KCNG2: variants seen among roughly 807,000 people sequenced by gnomAD.
KCNG2 encodes voltage-gated potassium channel regulatory subunit KCNG2.
In KCNG2, 7 loss-of-function variants were observed where a neutral mutation model predicts 12.3. The observed-to-expected ratio is 0.57, with a 90% CI of 0.32 to 1.07. The LOEUF is 1.07. Among genes scored for constraint, KCNG2 ranks in the 50% least tolerant of loss-of-function variants. The probability of loss-of-function intolerance (pLI) is 0.04; values close to 1 mark genes in which losing one functional copy is unlikely to be tolerated. For synonymous variants in KCNG2, 414 were observed against 351.4 expected (o/e 1.18, Z -1.99); for missense variants, 703 against 726.0 (o/e 0.97, Z 0.36).
At chr18:79,866,009 G>T (rs1266046481) in intron 3 of KCNG2, among the ~76,000 whole-genome samples, 1 of 135,016 alleles carries the variant, frequency 7.4e-6, no homozygotes, top group Non-Finnish European at 1.5e-5. Flanking sequence ...TGGGTGCTGA[G>T]AGGTCTGGGT....
intron 1 of KCNG2, among the ~76,000 whole-genome samples, chr18:79,839,742 T>C (rs961255768): frequency 6.6e-6 from 1 of 152,188 alleles, no homozygotes; most frequent in Non-Finnish European, 1.5e-5. Context: ...TATTAAATAT[T>C]AGCAAATAGA....
intron 1 of KCNG2, among the ~76,000 whole-genome samples, chr18:79,807,842 GCCGCGCTGACC>G (rs1174704949): frequency 2.3e-5 from 3 of 129,936 alleles, no homozygotes; most frequent in Non-Finnish European, 4.9e-5. Context: ...AGCTGCCGGG[GCCGCGCTGACC>G]ACACTCCACG....
intron 1 of KCNG2, among the ~76,000 whole-genome samples, chr18:79,811,974 G>A (rs942083620): frequency 6.6e-6 from 1 of 152,124 alleles, no homozygotes; most frequent in Non-Finnish European, 1.5e-5. Flanking sequence ...GGAGTTGTGT[G>A]ACGATAACAA....
chr18:79,869,743 G>GC (rs1979755791), intron 3 of KCNG2, among the ~76,000 whole-genome samples: 1 of 152,108 alleles, frequency 6.6e-6, no homozygotes, highest in Non-Finnish European at 1.5e-5. Flanking sequence ...AACATCTGTG[G>GC]CCCCCAAAGT....
rs1980436277 is a variant in KCNG2 at position 79,884,307 on chromosome 18, A to G, written c.625-14733A>G. 6.7e-6 allele frequency among the ~76,000 whole-genome samples: 1 copy of G among 149,786 alleles called. No individual in the cohort carries two copies. On this transcript the variant is annotated intron_variant, in intron 3 of 3. Coordinates refer to ENST00000316249, the MANE Select transcript of KCNG2 (RefSeq NM_012283.2). This position sits in a 1 kb window ranked among gnomAD's most constrained non-coding sequence, Gnocchi z 5.5. The stretch of plus-strand genomic sequence containing the variant: ...ACCCCCAAGAGAATTCGCCCCATCT[A>G]GGTCCCACCTAATGACACACACTCC...
chr18:79,844,342 G>A (rs1382921096), intron 1 of KCNG2, among the ~76,000 whole-genome samples: 1 of 152,106 alleles, frequency 6.6e-6, no homozygotes, highest in Non-Finnish European at 1.5e-5. Flanking sequence ...CTCGTATGTG[G>A]AATCTAAGAA....
intron 3 of KCNG2, among the ~76,000 whole-genome samples, chr18:79,879,473 G>GA (rs1488387312): frequency 4.0e-5 from 6 of 148,456 alleles, no homozygotes; most frequent in African/African-American, 1.5e-4. Flanking sequence ...CTGTGTCCAT[G>GA]AAACAAGAAC....
intron 1 of KCNG2, among the ~76,000 whole-genome samples, chr18:79,855,413 G>A (rs1978974925): frequency 6.6e-6 from 1 of 152,126 alleles, no homozygotes; most frequent in Admixed American, 6.5e-5. Flanking sequence ...GACCTTGCGG[G>A]CTGCCCTGGG....
At chr18:79,882,964 C>T (rs951483293) in intron 3 of KCNG2, among the ~76,000 whole-genome samples, 1 of 152,242 alleles carries the variant, frequency 6.6e-6, no homozygotes, top group Admixed American at 6.5e-5. Flanking sequence ...ACGCCCAGGA[C>T]GTACTCGCGG....
At chr18:79,899,008 C>T (rs1032288389) in intron 3 of KCNG2, 32 bp from the exon 4 acceptor site, 6 of 1,458,840 alleles carry the variant, frequency 4.1e-6, no homozygotes, top group Admixed American at 2.3e-5. Context: ...AAGAGGCCTG[C>T]GCCCCCAACC....
At chr18:79,809,570 G>T (rs1175563061) in intron 1 of KCNG2, among the ~76,000 whole-genome samples, 1 of 118,924 alleles carries the variant, frequency 8.4e-6, no homozygotes, top group Admixed American at 8.3e-5. Context: ...CGCGCTCTGA[G>T]GAGCTGCCGG....
At chr18:79,882,029 T>TA (rs200594894) in intron 3 of KCNG2, among the ~76,000 whole-genome samples, 1,542 of 151,156 alleles carry the variant, frequency 0.01, 6 homozygotes, top group Non-Finnish European at 0.016. Context: ...ACCCATGCCT[T>TA]ACGTTTTATA....
intron 1 of KCNG2, among the ~76,000 whole-genome samples, chr18:79,851,699 ATGTATG>A (rs1246363930): frequency 6.4e-5 from 8 of 125,286 alleles, no homozygotes; most frequent in African/African-American, 2.8e-4. Context: ...GCCTGTGTGA[ATGTATG>A]TGTGTGTGAA....
intron 2 of KCNG2, among the ~76,000 whole-genome samples, chr18:79,859,448 A>AC (rs1979136092): frequency 6.6e-6 from 1 of 152,194 alleles, no homozygotes; most frequent in Admixed American, 6.5e-5. Flanking sequence ...GTGTGCAGAG[A>AC]CCACACGGAG....
intron 1 of KCNG2, among the ~76,000 whole-genome samples, chr18:79,798,676 A>G (rs888394803): frequency 6.6e-6 from 1 of 152,198 alleles, no homozygotes; most frequent in Non-Finnish European, 1.5e-5. Context: ...GAATTCTGCA[A>G]ACCCGGAGCC....
rs2087404711 is a variant in KCNG2 at position 79,800,904 on chromosome 18, C to T, written c.-115+2890C>T. Among the ~76,000 whole-genome samples the T allele has an allele frequency of 6.6e-6, 1 of 152,248 alleles. No homozygotes were observed. Among genetic ancestry groups the T allele is most frequent in the Non-Finnish European group, 1.5e-5 (1 of 68,048 alleles). On this transcript the variant is annotated intron_variant, in intron 1 of 3. Coordinates refer to ENST00000316249, the MANE Select transcript of KCNG2 (RefSeq NM_012283.2). The surrounding 1 kb of genome is among the most constrained non-coding windows in gnomAD (Gnocchi z 4.0). The stretch of plus-strand genomic sequence containing the variant: ...ACACCCAGACTCATGGAATTGCTAA[C>T]AGAAATCTTATCAACAGCAGGTTCA...
intron 1 of KCNG2, among the ~76,000 whole-genome samples, chr18:79,836,341 G>A (rs1027370738): frequency 6.6e-6 from 1 of 152,214 alleles, no homozygotes; most frequent in African/African-American, 2.4e-5. Flanking sequence ...TAATGTATAT[G>A]CACAAACAAC....
chr18:79,801,368 G>A (rs1290058443), intron 1 of KCNG2, among the ~76,000 whole-genome samples: 2 of 152,222 alleles, frequency 1.3e-5, no homozygotes, highest in African/African-American at 4.8e-5. Context: ...CCCCCGAGGG[G>A]ATCCTCACAT....
At chr18:79,852,650 G>A (rs1018957725) in intron 1 of KCNG2, among the ~76,000 whole-genome samples, 1 of 152,254 alleles carries the variant, frequency 6.6e-6, no homozygotes, top group Non-Finnish European at 1.5e-5. Context: ...TGCGGATGGC[G>A]GCTCACCAGC....
Sources: gnomAD v4.1 joint callset for allele counts (sites outside exome capture counted in the v4.1 genomes callset) on GRCh38, gnomAD v4.1.1 for gene constraint, Gnocchi (gnomAD v3.1) non-coding constraint, MANE v1.5 for transcripts, NCBI Gene and HGNC (gene_info 2026-07-23, HGNC 2026-07-21) for gene names.